CCDC178: variants seen among roughly 807,000 people sequenced by gnomAD.
CCDC178 encodes the protein coiled-coil domain-containing protein 178.
In CCDC178, 126 loss-of-function variants were observed where a neutral mutation model predicts 117.4. The observed-to-expected ratio is 1.07, with a 90% CI of 0.93 to 1.24. CCDC178 has a LOEUF of 1.24. Ranked by LOEUF, CCDC178 falls within the 50% of genes most tolerant of loss-of-function variation. The pLI is 0.00. For synonymous variants in CCDC178, 283 were observed against 313.4 expected, an observed-to-expected ratio of 0.90 and a Z score of 1.02; for missense variants, 1,030 against 986.9, an observed-to-expected ratio of 1.04 and a Z score of -0.59.
intron 20 of CCDC178, among the ~76,000 whole-genome samples, chr18:33,128,276 A>G (rs1482966236): frequency 6.6e-6 from 1 of 152,240 alleles, no homozygotes; most frequent in African/African-American, 2.4e-5. Context: ...GTAAAGTCAT[A>G]TGTCCCACTT....
intron 15 of CCDC178, among the ~76,000 whole-genome samples, chr18:33,235,668 T>C (rs1051978561): frequency 5.9e-5 from 9 of 152,178 alleles, no homozygotes; most frequent in African/African-American, 1.9e-4. Flanking sequence ...AATTCCATTA[T>C]ATTCAAGCAA....
At chr18:33,079,834 AAGTT>A (rs1483889958) in intron 21 of CCDC178, among the ~76,000 whole-genome samples, 2 of 152,198 alleles carry the variant, frequency 1.3e-5, no homozygotes, top group Non-Finnish European at 2.9e-5. Context: ...GTGGGAGTGT[AAGTT>A]AGTTCAACTA....
Position 33,097,104 on chromosome 18 carries a change from T to A in CCDC178, c.2239-4194A>T, listed in dbSNP as rs555929871. Among the ~76,000 whole-genome samples the A allele has an allele frequency of 2.0e-5, 3 of 152,244 alleles. No individual in the cohort carries two copies. In the South Asian group the frequency reaches 6.2e-4, roughly 32 times the overall value. ...TATTTCTCCTTCCTTTGAACCTGGG[T>A]AGACCTATGGCTTTTCCAGCTAATC... On this transcript the variant is annotated intron_variant, in intron 20 of 22. Transcript: ENST00000383096.
intron 21 of CCDC178, among the ~76,000 whole-genome samples, chr18:33,065,657 C>A (rs1035500557): frequency 6.6e-6 from 1 of 151,958 alleles, no homozygotes; most frequent in Non-Finnish European, 1.5e-5. Context: ...AACAATGAGA[C>A]AAAGACAAAG....
chr18:33,423,905 C>A (rs953600032), intron 2 of CCDC178, among the ~76,000 whole-genome samples: 1 of 152,184 alleles, frequency 6.6e-6, no homozygotes, highest in African/African-American at 2.4e-5. Context: ...TCTTGTAAAA[C>A]CTAATACTTA....
At chr18:33,145,392 C>T (rs1279528359) in intron 20 of CCDC178, among the ~76,000 whole-genome samples, 1 of 152,134 alleles carries the variant, frequency 6.6e-6, no homozygotes, top group East Asian at 1.9e-4. Context: ...TACAATATCT[C>T]CACTAATTTC....
rs763456731 is a variant in CCDC178 at position 33,224,906 on chromosome 18, C to T, written c.1687G>A (p.Ala563Thr). The T allele has an allele frequency of 2.0e-5, 30 of 1,533,744 alleles. No individual in the cohort carries two copies. The highest frequency in any genetic ancestry group is 2.4e-5 in the Non-Finnish European group (27 of 1,141,054). Residue 563 changes from alanine (A) to threonine (T), a missense_variant, in exon 17 of 23, where the codon GCA becomes ACA. Physicochemically the swap from Ala to Thr is moderately conservative, Grantham distance 58. Transcript: ENST00000383096. ...KKLYSIYEVQ[A>T]LERKELIKNR... ...TTTATAAGCTCTTTCCGCTCAAGTG[C>T]CTGGACTTCGTAAATGGAATATAGT...
At chr18:32,961,318 G>A (rs532015712) in intron 22 of CCDC178, among the ~76,000 whole-genome samples, 15 of 152,000 alleles carry the variant, frequency 9.9e-5, no homozygotes, top group Non-Finnish European at 1.6e-4. Flanking sequence ...TGTGCTTGAT[G>A]AATTCATTAA....
chr18:33,372,908 T>C (rs1174648686), intron 5 of CCDC178, among the ~76,000 whole-genome samples: 1 of 152,148 alleles, frequency 6.6e-6, no homozygotes, highest in African/African-American at 2.4e-5. Context: ...AATTATTCTA[T>C]CATCCCTTTA....
chr18:33,200,329 G>A (rs1006955963), intron 20 of CCDC178, among the ~76,000 whole-genome samples: 1 of 152,194 alleles, frequency 6.6e-6, no homozygotes, highest in African/African-American at 2.4e-5. Flanking sequence ...CAAGATTAAT[G>A]TTTCAGTCTA....
At chr18:33,010,395 C>T (rs1455121178) in intron 21 of CCDC178, among the ~76,000 whole-genome samples, 1 of 152,154 alleles carries the variant, frequency 6.6e-6, no homozygotes, top group Non-Finnish European at 1.5e-5. Flanking sequence ...ATTGTCAAAG[C>T]ACTGTAGTGT....
At chr18:33,342,037 A>G (rs1362291381) in intron 9 of CCDC178, among the ~76,000 whole-genome samples, 2 of 152,358 alleles carry the variant, frequency 1.3e-5, no homozygotes, top group South Asian at 2.1e-4. Flanking sequence ...CTAAGAAATG[A>G]GTAAGATAAC....
chr18:33,038,838 T>G (rs2056493169), intron 21 of CCDC178, among the ~76,000 whole-genome samples: 1 of 151,996 alleles, frequency 6.6e-6, no homozygotes, highest in Non-Finnish European at 1.5e-5. Context: ...GAAAACATCC[T>G]TTTTGTAGGA....
intron 12 of CCDC178, among the ~76,000 whole-genome samples, chr18:33,269,982 CA>C (rs1410118585): frequency 6.6e-6 from 1 of 151,440 alleles, no homozygotes; most frequent in Non-Finnish European, 1.5e-5. Context: ...AGGACTAAAA[CA>C]AAGCATTAAA....
At chr18:32,968,529 A>G (rs970417439) in intron 22 of CCDC178, among the ~76,000 whole-genome samples, 5 of 152,000 alleles carry the variant, frequency 3.3e-5, no homozygotes, top group African/African-American at 1.2e-4. Flanking sequence ...CAGTAGTGGG[A>G]TTGCCAGATC....
At chr18:33,021,387 T>G (rs1226988930) in intron 21 of CCDC178, among the ~76,000 whole-genome samples, 1 of 152,130 alleles carries the variant, frequency 6.6e-6, no homozygotes, top group Non-Finnish European at 1.5e-5. Flanking sequence ...ATACAAATAC[T>G]TGAGACTGCA....
At chr18:32,986,546 A>G (rs1229878311) in intron 21 of CCDC178, among the ~76,000 whole-genome samples, 2 of 152,148 alleles carry the variant, frequency 1.3e-5, no homozygotes, top group Non-Finnish European at 2.9e-5. Flanking sequence ...ATTATTTCAG[A>G]ACAAGGGTAA....
At chr18:33,187,131 T>G (rs1172052785) in intron 20 of CCDC178, among the ~76,000 whole-genome samples, 1 of 135,432 alleles carries the variant, frequency 7.4e-6, no homozygotes, top group Non-Finnish European at 1.5e-5. Flanking sequence ...GAGAGAGAAC[T>G]GCCAAACATT....
rs1381995517 is a variant in CCDC178, at chr18:33,236,226, T to C, written c.1593+9019A>G. On this transcript the variant is annotated intron_variant, in intron 15 of 22. Coordinates refer to ENST00000383096, the MANE Select transcript of CCDC178 (RefSeq NM_001105528.4). ...GCCAGGCTCAACAAATACAGAAAGT[T>C]ACTTAAAAGGAAAACATAATTCTCA... Among the ~76,000 whole-genome samples the C allele has an allele frequency of 3.9e-5, 6 of 152,184 alleles. No homozygotes were observed. The East Asian group carries it at 1.2e-3, about 29-fold the overall frequency.
Sources: gnomAD v4.1 joint callset for allele counts (sites outside exome capture counted in the v4.1 genomes callset) on GRCh38, gnomAD v4.1.1 for gene constraint, MANE v1.5 for transcripts, NCBI Gene and HGNC (gene_info 2026-07-23, HGNC 2026-07-21) for gene names.